The following CADM1 variants were observed in gnomAD, a reference collection of about 807,000 sequenced individuals.
The protein encoded by CADM1 is TSLC-1.
CADM1 carries 15 observed loss-of-function variants against 53.1 expected under a neutral mutation model. The ratio of observed to expected loss-of-function variants is 0.28; its 90% CI spans 0.19 to 0.44. CADM1 has a LOEUF of 0.44. Among genes scored for constraint, CADM1 ranks in the 20% least tolerant of loss-of-function variants. The pLI, the probability that CADM1 is intolerant of heterozygous loss-of-function variation, is 1.00. For missense variants in CADM1, 434 were observed against 611.3 expected, an observed-to-expected ratio of 0.71 and a Z score of 3.06; for synonymous variants, 281 against 243.0, an observed-to-expected ratio of 1.16 and a Z score of -1.45.
intron 1 of CADM1, among the ~76,000 whole-genome samples, chr11:115,283,508 T>G (rs1943642043): frequency 6.6e-6 from 1 of 152,046 alleles, no homozygotes; most frequent in South Asian, 2.1e-4. Context: ...GGGAAGAGGG[T>G]CTAAGCAAAT....
At chr11:115,362,485 C>A (rs559796733) in intron 1 of CADM1, among the ~76,000 whole-genome samples, 137 of 152,286 alleles carry the variant, frequency 9.0e-4, no homozygotes, top group African/African-American at 3.2e-3. Flanking sequence ...AAGAGCACTG[C>A]GACCTAGTCA....
intron 1 of CADM1, among the ~76,000 whole-genome samples, chr11:115,417,336 A>G (rs951254867): frequency 3.3e-5 from 5 of 152,318 alleles, no homozygotes; most frequent in Middle Eastern, 3.4e-3. Flanking sequence ...CTAATTCATG[A>G]CTATGCTAAA....
At position 115,290,686 on chromosome 11, in the gene CADM1, GA is replaced by G. The variant is rs138245821; in HGVS notation, c.125-50267del. 1.9e-3 allele frequency among the ~76,000 whole-genome samples: 286 copies of G among 152,242 alleles called. 2 individuals are homozygous for G. Among genetic ancestry groups the G allele is most frequent in the African/African-American group, 5.3e-3 (220 of 41,536 alleles). On this transcript the variant is annotated intron_variant, in intron 1 of 11. Transcript: ENST00000331581. Reference sequence around the variant, plus strand: ...AGCTGTTGATGGCTGGGGAGATAAGGAAAATAAAAGGAGGAAATTAGAACAA... The same window carrying G: ...AGCTGTTGATGGCTGGGGAGATAAGGAAATAAAAGGAGGAAATTAGAACAA...
intron 1 of CADM1, among the ~76,000 whole-genome samples, chr11:115,473,262 C>G (rs1053741941): frequency 2.0e-5 from 3 of 152,116 alleles, no homozygotes; most frequent in African/African-American, 7.2e-5. Flanking sequence ...AGTTTGACAC[C>G]AGCCTGGGGA....
intron 1 of CADM1, among the ~76,000 whole-genome samples, chr11:115,298,668 C>G (rs1255109275): frequency 6.6e-6 from 1 of 152,174 alleles, no homozygotes; most frequent in African/African-American, 2.4e-5. Flanking sequence ...AAAGATGCAA[C>G]ATTTTAAGTT....
chr11:115,382,269 G>T (rs953635840), intron 1 of CADM1, among the ~76,000 whole-genome samples: 7 of 151,946 alleles, frequency 4.6e-5, no homozygotes, highest in Non-Finnish European at 7.4e-5. Context: ...AATTTAAAGA[G>T]AAATATTATG....
At chr11:115,291,371 G>C (rs1388751228) in intron 1 of CADM1, among the ~76,000 whole-genome samples, 1 of 152,194 alleles carries the variant, frequency 6.6e-6, no homozygotes, top group Non-Finnish European at 1.5e-5. Flanking sequence ...CTGAAAGATA[G>C]TCTTTTTATA....
chr11:115,231,486 T>C lies in CADM1; in HGVS notation c.429A>G (p.Pro143=). Residue 143 remains proline (P), a synonymous_variant, in exon 4 of 12, where the codon CCA becomes CCG. Transcript: ENST00000331581. ...GGATATCGATCATCAGATTACGTGG[T>C]GGGACTACAAATTAAACATATGTGC... ...ESYTTITVLV[P]PRNLMIDIQK... is the part of the protein sequence containing the mutation. 6.2e-7 allele frequency: 1 copy of C among 1,613,972 alleles called. No individual in the cohort carries two copies. Among genetic ancestry groups the C allele is most frequent in the Non-Finnish European group, 8.5e-7 (1 of 1,179,820 alleles).
intron 1 of CADM1, among the ~76,000 whole-genome samples, chr11:115,473,037 C>A (rs899851644): frequency 6.6e-6 from 1 of 152,146 alleles, no homozygotes; most frequent in South Asian, 2.1e-4. Context: ...AGCTTCTCAG[C>A]ACAAGTTTCA....
intron 7 of CADM1, among the ~76,000 whole-genome samples, chr11:115,210,282 C>A (rs1940898530): frequency 6.6e-6 from 1 of 152,206 alleles, no homozygotes; most frequent in Non-Finnish European, 1.5e-5. Flanking sequence ...ATAAATTTTA[C>A]AACTTATAAA....
chr11:115,321,295 T>C (rs1284119363), intron 1 of CADM1, among the ~76,000 whole-genome samples: 1 of 152,236 alleles, frequency 6.6e-6, no homozygotes, highest in Admixed American at 6.5e-5. Context: ...CTATATTATC[T>C]CTGCTTAGGT....
At chr11:115,246,751 T>C (rs955524494) in intron 1 of CADM1, among the ~76,000 whole-genome samples, 4 of 152,270 alleles carry the variant, frequency 2.6e-5, no homozygotes, top group African/African-American at 9.6e-5. Flanking sequence ...TTTTATTTTA[T>C]GTAGCATTTA....
At chr11:115,488,849 T>A (rs1949433980) in intron 1 of CADM1, among the ~76,000 whole-genome samples, 2 of 152,172 alleles carry the variant, frequency 1.3e-5, no homozygotes, top group African/African-American at 4.8e-5. Flanking sequence ...AAAAGCCATT[T>A]CTCAGGTTTG....
chr11:115,196,120 G>T (rs772355227), intron 9 of CADM1, among the ~76,000 whole-genome samples: 3 of 152,174 alleles, frequency 2.0e-5, no homozygotes, highest in Non-Finnish European at 4.4e-5. Flanking sequence ...TAGGAAGGCA[G>T]TTGCTTCTCA....
At chr11:115,262,347 A>C (rs1020108425) in intron 1 of CADM1, among the ~76,000 whole-genome samples, 14 of 152,238 alleles carry the variant, frequency 9.2e-5, no homozygotes, top group African/African-American at 3.4e-4. Flanking sequence ...CAACTTCAAA[A>C]TGTAAGTCAT....
chr11:115,273,219 TAA>T (rs1247070636), intron 1 of CADM1, among the ~76,000 whole-genome samples: 1 of 152,230 alleles, frequency 6.6e-6, no homozygotes, highest in Non-Finnish European at 1.5e-5. Context: ...CCAAAATGTC[TAA>T]ATGGCTAAAA....
intron 1 of CADM1, among the ~76,000 whole-genome samples, chr11:115,483,404 G>A (rs1184980284): frequency 6.6e-6 from 1 of 152,128 alleles, no homozygotes; most frequent in African/African-American, 2.4e-5. Context: ...TCATGTAACA[G>A]TAACCTTCAA....
intron 1 of CADM1, among the ~76,000 whole-genome samples, chr11:115,340,652 ATATATATT>A (rs1455485799): frequency 1.0e-3 from 42 of 40,796 alleles, no homozygotes; most frequent in African/African-American, 3.9e-3. Flanking sequence ...ATATATATAT[ATATATATT>A]TTTTTTTTTT....
In CADM1 at chr11:115,284,239, C is replaced by A. The variant is rs372148799; in HGVS notation, c.125-43819G>T. ...AGACTTTCTGCTCCTAGAAATGGGT[C>A]AATTATTTTGTGGCCTAGAGATGAT... On this transcript the variant is annotated intron_variant, in intron 1 of 11. Coordinates refer to ENST00000331581, the MANE Select transcript of CADM1 (RefSeq NM_001301043.2). Among the ~76,000 whole-genome samples, 37 of 151,468 alleles carry A rather than the reference C, an allele frequency of 2.4e-4. No homozygotes were observed. In the South Asian group the frequency reaches 4.0e-3, roughly 16 times the overall value.
Sources: allele counts gnomAD v4.1 joint callset (sites outside exome capture counted in the v4.1 genomes callset), GRCh38; gene constraint gnomAD v4.1.1; transcripts MANE v1.5; gene names NCBI Gene and HGNC (gene_info 2026-07-23, HGNC 2026-07-21).